LRSAM1: variants seen among roughly 807,000 people sequenced by gnomAD.
LRSAM1 encodes leucine rich repeat and sterile alpha motif containing 1, also known as E3 ubiquitin-protein ligase LRSAM1.
A neutral mutation model predicts 118.1 loss-of-function variants in LRSAM1; 96 were observed. The ratio of observed to expected loss-of-function variants is 0.81; its 90% CI spans 0.69 to 0.96. The LOEUF (loss-of-function observed/expected upper bound fraction) is 0.96, where lower values mean the gene tolerates loss of function less well. LRSAM1 is among the 40% of genes least tolerant of loss of function. LRSAM1 has a pLI of 0.00. For synonymous variants in LRSAM1, 322 were observed against 364.2 expected (o/e 0.88, Z 1.32); for missense variants, 804 against 915.5 (o/e 0.88, Z 1.57).
intron 16 of LRSAM1, among the ~76,000 whole-genome samples, chr9:127,484,280 T>TC (rs1170287255): frequency 8.7e-5 from 13 of 149,084 alleles, no homozygotes; most frequent in African/African-American, 3.2e-4. Context: ...TTTTTTTTTT[T>TC]CCTGCTTCTT....
intron 19 of LRSAM1, among the ~76,000 whole-genome samples, chr9:127,490,252 T>G (rs1320750215): frequency 6.6e-6 from 1 of 151,362 alleles, no homozygotes; most frequent in African/African-American, 2.4e-5. Flanking sequence ...CTATTTTTCT[T>G]TCTTTCTTTC....
At position 127,489,498 on chromosome 9, in the gene LRSAM1, C is replaced by T; in HGVS notation, c.1402C>T (p.His468Tyr). The change falls in exon 19 of 26, where the codon CAT becomes TAT. Residue 468 changes from histidine to tyrosine, a missense_variant. Coordinates refer to ENST00000300417, the MANE Select transcript of LRSAM1 (RefSeq NM_001005373.4). ...EALQVKKDLM[H>Y]RQIRSQIKLI... is the part of the protein sequence containing the mutation. ...ACTCCAGGTGAAGAAAGACCTGATG[C>T]ATCGGCAGATCAGGAGCCAGGTGAG... The T allele has an allele frequency of 1.2e-6, 2 of 1,609,380 alleles. No homozygotes were observed. Among genetic ancestry groups the T allele is most frequent in the Non-Finnish European group, 8.5e-7 (1 of 1,178,474 alleles).
At chr9:127,463,443 C>T (rs1330915725) in intron 9 of LRSAM1, among the ~76,000 whole-genome samples, 1 of 151,882 alleles carries the variant, frequency 6.6e-6, no homozygotes, top group Non-Finnish European at 1.5e-5. Flanking sequence ...GCTAGAAGTC[C>T]AAGATCAAGG....
chr9:127,487,862 A>G, intron 18 of LRSAM1, 99 bp downstream of exon 18: 6 of 891,460 alleles, frequency 6.7e-6, no homozygotes, highest in Non-Finnish European at 9.9e-6. Flanking sequence ...CCTAGACAGC[A>G]TGTGGGACCA....
intron 18 of LRSAM1, among the ~76,000 whole-genome samples, chr9:127,488,222 ACCT>A (rs1387904202): frequency 2.0e-5 from 3 of 151,572 alleles, no homozygotes; most frequent in African/African-American, 7.3e-5. Context: ...GGCCCCTGTG[ACCT>A]CCTCCCCTTC....
chr9:127,486,543 T>A (rs1835738818), intron 17 of LRSAM1: 1 of 157,440 alleles, frequency 6.4e-6, no homozygotes, highest in African/African-American at 2.4e-5. Context: ...CCAGGGCGCC[T>A]GGACTGTGCG....
Position 127,462,247 on chromosome 9 carries a change from TGCAGACAACAA to T in LRSAM1, c.407-2_415del. On this transcript the variant is annotated splice_acceptor_variant and splice_polypyrimidine_tract_variant and coding_sequence_variant and intron_variant, in exon 9 of 26. Coordinates refer to ENST00000300417, the MANE Select transcript of LRSAM1 (RefSeq NM_001005373.4). LOFTEE classifies it high-confidence loss of function. The stretch of plus-strand genomic sequence containing the variant: ...TGTTGAGCTGTGCTATTGGGGTCTC[TGCAGACAACAA>T]GCTGAAGGAGCTTCCAGACACCGTG... The T allele has an allele frequency of 6.2e-7, 1 of 1,613,992 alleles. No individual in the cohort carries two copies. Among genetic ancestry groups the T allele is most frequent in the Non-Finnish European group, 8.5e-7 (1 of 1,179,944 alleles).
At chr9:127,484,435 T>C (rs898892911) in intron 16 of LRSAM1, among the ~76,000 whole-genome samples, 1 of 152,008 alleles carries the variant, frequency 6.6e-6, no homozygotes, top group Non-Finnish European at 1.5e-5. Flanking sequence ...GTGAACCTGC[T>C]CACTGCAGCC....
intron 2 of LRSAM1, chr9:127,452,325 T>TG (rs3840733): frequency 0.11 from 16,279 of 152,206 alleles, 1,405 homozygotes; most frequent in Admixed American, 0.28. Flanking sequence ...CAGGGACGGA[T>TG]GGGGGAGGGC....
chr9:127,474,446 A>C (rs1350778618), intron 11 of LRSAM1, among the ~76,000 whole-genome samples: 1 of 151,832 alleles, frequency 6.6e-6, no homozygotes, highest in Admixed American at 6.6e-5. Context: ...TTCAGTTCTC[A>C]GTTTAAACAT....
rs1260482336 is a variant in LRSAM1, at chr9:127,465,696, TTG to T, written c.529-2040_529-2039del. ...TGAGCTACCCTTCCCACCCAGCCAC[TTG>T]TGTTACAGCAAAATCAGAGCTTCCC... is the stretch of plus-strand genomic sequence containing the variant. On this transcript the variant is annotated intron_variant, in intron 9 of 25. Coordinates refer to ENST00000300417, the MANE Select transcript of LRSAM1 (RefSeq NM_001005373.4). The surrounding 1 kb of genome is among the most constrained non-coding windows in gnomAD (Gnocchi z 4.1). Among the ~76,000 whole-genome samples, 3 of 152,230 alleles carry T rather than the reference TTG, an allele frequency of 2.0e-5. No individual in the cohort carries two copies. The highest frequency in any genetic ancestry group is 7.2e-5 in the African/African-American group (3 of 41,472).
At chr9:127,500,247 G>A (rs1359214696) in intron 24 of LRSAM1, among the ~76,000 whole-genome samples, 5 of 150,602 alleles carry the variant, frequency 3.3e-5, no homozygotes, top group African/African-American at 9.8e-5. Flanking sequence ...TGTAATCCCA[G>A]CTACTCGGGA....
intron 24 of LRSAM1, among the ~76,000 whole-genome samples, chr9:127,498,390 C>G (rs1438363876): frequency 6.6e-6 from 1 of 152,212 alleles, no homozygotes; most frequent in East Asian, 1.9e-4. Flanking sequence ...GAAGAGTTTT[C>G]CATCAGGAGT....
chr9:127,466,490 ATATATATATATATATTTTT>A (rs1482063974), intron 9 of LRSAM1, among the ~76,000 whole-genome samples: 3 of 11,952 alleles, frequency 2.5e-4, no homozygotes, highest in African/African-American at 9.4e-4. Context: ...ATATATATAT[ATATATATATATATATTTTT>A]TTTTTTTTTT....
Position 127,502,927 on chromosome 9 carries a change from C to T in LRSAM1, c.*28C>T, listed in dbSNP as rs1453600531. ...GCTGCCCGCCCACCTGGGCCTGGTC[C>T]TAGCCCTGCCTCGGCCACTGTGAGC... On this transcript the variant is annotated 3_prime_UTR_variant, in exon 26 of 26. Transcript: ENST00000300417. The T allele has an allele frequency of 6.4e-7, 1 of 1,571,656 alleles. No homozygotes were observed. Among genetic ancestry groups the T allele is most frequent in the East Asian group, 2.4e-5 (1 of 42,272 alleles).
At chr9:127,456,690 C>T (rs1017980266) in intron 5 of LRSAM1, among the ~76,000 whole-genome samples, 4 of 151,894 alleles carry the variant, frequency 2.6e-5, no homozygotes, top group Non-Finnish European at 5.9e-5. Flanking sequence ...TGGTGAAACC[C>T]GGTCTCTACC....
chr9:127,453,988 C>T (rs1464658996), intron 2 of LRSAM1: 1 of 208,298 alleles, frequency 4.8e-6, no homozygotes, highest in African/African-American at 2.4e-5. Context: ...TAGAAAGACA[C>T]TGACCCTTAC....
intron 21 of LRSAM1, among the ~76,000 whole-genome samples, chr9:127,494,777 T>C (rs1489319825): frequency 2.0e-5 from 3 of 152,056 alleles, no homozygotes; most frequent in Non-Finnish European, 4.4e-5. Flanking sequence ...AAACCCCATC[T>C]GTACTAAAAA....
intron 16 of LRSAM1, among the ~76,000 whole-genome samples, chr9:127,485,253 G>A (rs1468280284): frequency 1.3e-5 from 2 of 152,010 alleles, no homozygotes; most frequent in Non-Finnish European, 2.9e-5. Context: ...CCAAGCATAC[G>A]TTGCTTTTAT....
Sources: allele counts gnomAD v4.1 joint callset (sites outside exome capture counted in the v4.1 genomes callset), GRCh38; gene constraint gnomAD v4.1.1; non-coding constraint Gnocchi (gnomAD v3.1); transcripts MANE v1.5; gene names NCBI Gene and HGNC (gene_info 2026-07-23, HGNC 2026-07-21).